The following PLGRKT variants were observed in gnomAD, a reference collection of about 807,000 sequenced individuals.
The protein encoded by PLGRKT is plasminogen receptor (KT).
PLGRKT carries 22 observed loss-of-function variants against 18.5 expected under a neutral mutation model. That is an observed-to-expected ratio of 1.19 (90% CI 0.85 to 1.70). The LOEUF (loss-of-function observed/expected upper bound fraction) is 1.70, where lower values mean the gene tolerates loss of function less well. Among genes scored for constraint, PLGRKT ranks in the 40% most tolerant of loss-of-function variants. The probability of loss-of-function intolerance (pLI) is 0.00; values close to 1 mark genes in which losing one functional copy is unlikely to be tolerated. For missense variants in PLGRKT, 235 were observed against 174.4 expected (o/e 1.35, Z -1.96); for synonymous variants, 72 against 52.8 (o/e 1.36, Z -1.58).
intron 3 of PLGRKT, among the ~76,000 whole-genome samples, chr9:5,384,369 G>A (rs531743507): frequency 3.3e-5 from 5 of 152,228 alleles, no homozygotes; most frequent in Admixed American, 6.5e-5. Flanking sequence ...AGATAAAGTT[G>A]ATAAAAATAA....
intron 3 of PLGRKT, among the ~76,000 whole-genome samples, chr9:5,398,818 C>T (rs1378340324): frequency 6.6e-6 from 1 of 151,814 alleles, no homozygotes. Context: ...GGGGTCAGAA[C>T]AAGTCATCCC....
At chr9:5,368,655 G>C (rs182044926) in intron 3 of PLGRKT, among the ~76,000 whole-genome samples, 2 of 152,058 alleles carry the variant, frequency 1.3e-5, no homozygotes, top group Non-Finnish European at 2.9e-5. Context: ...TTGGGTGATG[G>C]AATCATTCGT....
chr9:5,389,077 G>C (rs1045946156), intron 3 of PLGRKT, among the ~76,000 whole-genome samples: 8 of 151,904 alleles, frequency 5.3e-5, no homozygotes, highest in African/African-American at 1.9e-4. Context: ...ACTTAACATA[G>C]GACATGGACT....
At chr9:5,434,873 A>G (rs1410039397) in intron 2 of PLGRKT, among the ~76,000 whole-genome samples, 1 of 152,072 alleles carries the variant, frequency 6.6e-6, no homozygotes, top group Non-Finnish European at 1.5e-5. Flanking sequence ...TTTGTCGAAA[A>G]GAAAAGGGGG....
intron 3 of PLGRKT, among the ~76,000 whole-genome samples, chr9:5,415,740 C>A (rs1818447041): frequency 6.6e-6 from 1 of 152,022 alleles, no homozygotes; most frequent in Admixed American, 6.6e-5. Context: ...TCAATCTAAT[C>A]ATGAGAAAAT....
intron 3 of PLGRKT, among the ~76,000 whole-genome samples, chr9:5,387,951 T>C (rs909972756): frequency 2.0e-5 from 3 of 151,728 alleles, no homozygotes; most frequent in African/African-American, 7.3e-5. Flanking sequence ...ATATTTGGAA[T>C]TGGGAGCTGA....
rs1413001976 is a variant in PLGRKT at position 5,418,264 on chromosome 9, C to A, written c.81+13633G>T. 5 of 431,942 alleles carry A rather than the reference C, an allele frequency of 1.2e-5. No individual in the cohort carries two copies. Among genetic ancestry groups the A allele is most frequent in the East Asian group, 4.7e-5 (1 of 21,240 alleles). The allele number at this position is 431,942 out of a possible 1,614,324, so 26.8% of individuals were successfully genotyped here. A position where few individuals can be genotyped will look rare whatever the true frequency, so the allele number is the denominator to read the frequency against. ...AGGCAAACCAGAGGCCAGCTCTCAGCACCAAATGGTCAGTGTCGCCCCCTC... is the reference window on the plus strand; with the variant it reads ...AGGCAAACCAGAGGCCAGCTCTCAGAACCAAATGGTCAGTGTCGCCCCCTC... On this transcript the variant is annotated intron_variant, in intron 3 of 5. Transcript: ENST00000223864. The surrounding 1 kb of genome is among the most constrained non-coding windows in gnomAD (Gnocchi z 4.2).
At chr9:5,388,275 C>T (rs1715693741) in intron 3 of PLGRKT, among the ~76,000 whole-genome samples, 1 of 151,740 alleles carries the variant, frequency 6.6e-6, no homozygotes, top group Admixed American at 6.5e-5. Context: ...TGTGGTTTCC[C>T]AGGAACAACT....
At chr9:5,436,073 T>G (rs982673879) in intron 2 of PLGRKT, among the ~76,000 whole-genome samples, 3 of 152,228 alleles carry the variant, frequency 2.0e-5, no homozygotes, top group Non-Finnish European at 4.4e-5. Context: ...CCTCCCCTTC[T>G]GCCACTGTGC....
chr9:5,405,824 C>G (rs1818244739), intron 3 of PLGRKT, among the ~76,000 whole-genome samples: 1 of 152,092 alleles, frequency 6.6e-6, no homozygotes, highest in African/African-American at 2.4e-5. Flanking sequence ...AACAGACAAC[C>G]TACAGAATAG....
intron 3 of PLGRKT, among the ~76,000 whole-genome samples, chr9:5,394,134 G>A (rs985716276): frequency 2.6e-5 from 4 of 151,838 alleles, no homozygotes; most frequent in African/African-American, 7.3e-5. Context: ...GTAACCTTTC[G>A]GAAGTGAAAG....
At chr9:5,412,314 G>A (rs923122895) in intron 3 of PLGRKT, among the ~76,000 whole-genome samples, 1 of 152,176 alleles carries the variant, frequency 6.6e-6, no homozygotes, top group African/African-American at 2.4e-5. Context: ...AATGGATTTG[G>A]AATCTAAATG....
chr9:5,392,242 T>C (rs1269159594), intron 3 of PLGRKT: 3 of 152,032 alleles, frequency 2.0e-5, no homozygotes, highest in South Asian at 2.1e-4. Flanking sequence ...CAAGTTGTTA[T>C]GGATGTTCAC....
Position 5,358,087 on chromosome 9 carries a change from AATTTT to A in PLGRKT, c.*147_*151del, listed in dbSNP as rs1332474771. 3.6e-6 allele frequency: 2 copies of A among 550,716 alleles called. No individual in the cohort carries two copies. Among genetic ancestry groups the A allele is most frequent in the East Asian group, 3.0e-5 (1 of 33,274 alleles). 34.1% of individuals were successfully genotyped at this position (550,716 alleles called of 1,614,324 possible). A position where few individuals can be genotyped will look rare whatever the true frequency, so the allele number is the denominator to read the frequency against. ...CCATGATTTTGTGTTGAATGTTATAAATTTTATTTTAAAATAGCTCAAAACTATCT... is the reference window on the plus strand; with the variant it reads ...CCATGATTTTGTGTTGAATGTTATAAATTTTAAAATAGCTCAAAACTATCT... On this transcript the variant is annotated 3_prime_UTR_variant, in exon 6 of 6. Coordinates refer to ENST00000223864, the MANE Select transcript of PLGRKT (RefSeq NM_018465.4).
intron 3 of PLGRKT, among the ~76,000 whole-genome samples, chr9:5,387,955 G>C (rs751325371): frequency 6.6e-6 from 1 of 151,798 alleles, no homozygotes; most frequent in Non-Finnish European, 1.5e-5. Context: ...TTGGAATTGG[G>C]AGCTGAAATG....
intron 3 of PLGRKT, among the ~76,000 whole-genome samples, chr9:5,427,174 AC>A (rs1818717871): frequency 6.6e-6 from 1 of 152,204 alleles, no homozygotes; most frequent in East Asian, 1.9e-4. Context: ...TCCTGCTGGG[AC>A]ATGAATCATC....
intron 3 of PLGRKT, among the ~76,000 whole-genome samples, chr9:5,430,615 C>T (rs1234722710): frequency 6.6e-6 from 1 of 152,162 alleles, no homozygotes; most frequent in Non-Finnish European, 1.5e-5. Context: ...TTATTACCTC[C>T]AGTGTACAGA....
intron 3 of PLGRKT, among the ~76,000 whole-genome samples, chr9:5,431,603 T>G (rs555911303): frequency 1.9e-4 from 28 of 147,674 alleles, no homozygotes; most frequent in African/African-American, 6.2e-4. Context: ...TCCAGGATAA[T>G]CTCCCCATCT....
intron 3 of PLGRKT, among the ~76,000 whole-genome samples, chr9:5,404,278 G>C (rs1423594042): frequency 6.6e-6 from 1 of 152,158 alleles, no homozygotes; most frequent in African/African-American, 2.4e-5. Context: ...CATTCTATGA[G>C]GACAGCATCA....
Sources: gnomAD v4.1 joint callset for allele counts (sites outside exome capture counted in the v4.1 genomes callset) on GRCh38, gnomAD v4.1.1 for gene constraint, Gnocchi (gnomAD v3.1) non-coding constraint, MANE v1.5 for transcripts, NCBI Gene and HGNC (gene_info 2026-07-23, HGNC 2026-07-21) for gene names.